Variants in MBOAT1 observed in about 807,000 individuals in gnomAD.
The protein encoded by MBOAT1 is membrane-bound glycerophospholipid O-acyltransferase 1.
In MBOAT1, 67 loss-of-function variants were observed where a neutral mutation model predicts 64.4. The ratio of observed to expected loss-of-function variants is 1.04; its 90% confidence interval spans 0.85 to 1.27. The LOEUF (loss-of-function observed/expected upper bound fraction) is 1.27, where lower values mean the gene tolerates loss of function less well. MBOAT1 is among the 50% of genes most tolerant of loss of function. MBOAT1 has a pLI of 0.00. For synonymous variants in MBOAT1, 229 were observed against 218.9 expected, an observed-to-expected ratio of 1.05 and a Z score of -0.41; for missense variants, 563 against 604.6, an observed-to-expected ratio of 0.93 and a Z score of 0.72.
intron 3 of MBOAT1, among the ~76,000 whole-genome samples, chr6:20,148,062 G>A (rs1391371622): frequency 6.6e-6 from 1 of 152,152 alleles, no homozygotes; most frequent in Non-Finnish European, 1.5e-5. Flanking sequence ...ACAGTGGCTT[G>A]GGAAGGAAAC....
intron 1 of MBOAT1, among the ~76,000 whole-genome samples, chr6:20,159,387 A>T (rs1761782782): frequency 6.6e-6 from 1 of 152,194 alleles, no homozygotes; most frequent in Admixed American, 6.5e-5. Context: ...CCTAAGTGCC[A>T]TCAAGGGATG....
intron 11 of MBOAT1, 49 bp downstream of exon 11, chr6:20,112,827 A>G: frequency 1.3e-6 from 2 of 1,580,510 alleles, no homozygotes; most frequent in African/African-American, 1.3e-5. Context: ...ACAAACATGC[A>G]GGCATCAGAT....
At chr6:20,179,922 C>CTT (rs35155282) in intron 1 of MBOAT1, among the ~76,000 whole-genome samples, 2 of 151,726 alleles carry the variant, frequency 1.3e-5, no homozygotes, top group African/African-American at 4.8e-5. Context: ...TGATGTTGAG[C>CTT]TTTTTTTCAT....
At chr6:20,127,364 C>T (rs1024959000) in intron 6 of MBOAT1, among the ~76,000 whole-genome samples, 3 of 152,148 alleles carry the variant, frequency 2.0e-5, no homozygotes, top group Non-Finnish European at 4.4e-5. Flanking sequence ...AACCAGTCGC[C>T]GGAATTATCC....
At chr6:20,122,101 G>T (rs746152247) in intron 8 of MBOAT1, among the ~76,000 whole-genome samples, 3 of 152,098 alleles carry the variant, frequency 2.0e-5, no homozygotes, top group Non-Finnish European at 4.4e-5. Context: ...GGAGGTGGAG[G>T]TTGCAGTGAG....
At chr6:20,154,451 T>C (rs1761617652) in intron 1 of MBOAT1, among the ~76,000 whole-genome samples, 1 of 152,056 alleles carries the variant, frequency 6.6e-6, no homozygotes, top group Non-Finnish European at 1.5e-5. Context: ...GAGAATCGCT[T>C]GAACTCGGGA....
intron 7 of MBOAT1, 33 bp from the exon 8 acceptor site, chr6:20,124,633 A>G (rs763137320): frequency 1.8e-5 from 29 of 1,605,682 alleles, no homozygotes; most frequent in Non-Finnish European, 2.4e-5. Context: ...GTCACCGTGC[A>G]GAAGGCTCAG....
At position 20,113,012 on chromosome 6, in the gene MBOAT1, T is replaced by C; in HGVS notation, c.1077-4A>G. The stretch of plus-strand genomic sequence containing the variant: ...TGGAACCCGCTGATAGCACACACTG[T>C]GAAGAGAGGAAGGAACAAGACACAG... On this transcript the variant is annotated splice_region_variant and splice_polypyrimidine_tract_variant and intron_variant, in intron 10 of 12. Coordinates refer to ENST00000324607, the MANE Select transcript of MBOAT1 (RefSeq NM_001080480.3). 3.1e-6 allele frequency: 5 copies of C among 1,611,602 alleles called. No individual in the cohort carries two copies. Among genetic ancestry groups the C allele is most frequent in the Non-Finnish European group, 4.2e-6 (5 of 1,179,166 alleles).
chr6:20,170,130 C>G (rs139668197), intron 1 of MBOAT1, among the ~76,000 whole-genome samples: 231 of 152,284 alleles, frequency 1.5e-3, no homozygotes, highest in African/African-American at 4.2e-3. Flanking sequence ...GTTATCCCCC[C>G]CTGCAATGAT....
intron 12 of MBOAT1, among the ~76,000 whole-genome samples, chr6:20,103,927 C>T (rs1759877543): frequency 6.6e-6 from 1 of 152,230 alleles, no homozygotes; most frequent in Admixed American, 6.5e-5. Flanking sequence ...TAGGCCTTCA[C>T]ATTCACTCAC....
chr6:20,205,397 G>A (rs1218207861), intron 1 of MBOAT1, among the ~76,000 whole-genome samples: 1 of 152,170 alleles, frequency 6.6e-6, no homozygotes, highest in Non-Finnish European at 1.5e-5. Flanking sequence ...AGGCCAAGCT[G>A]TGAAGAATCA....
At chr6:20,193,604 CTTTTTTTTT>C in intron 1 of MBOAT1, among the ~76,000 whole-genome samples, 1 of 129,734 alleles carries the variant, frequency 7.7e-6, no homozygotes, top group South Asian at 2.5e-4. Context: ...ACCAAAAATC[CTTTTTTTTT>C]TTTTTTTTTT....
At chr6:20,131,062 T>C (rs1446145510) in intron 5 of MBOAT1, 82 bp downstream of exon 5, 1 of 1,239,848 alleles carries the variant, frequency 8.1e-7, no homozygotes, top group Admixed American at 1.8e-5. Context: ...GTCTAAACTT[T>C]GGACTGTGTA....
intron 6 of MBOAT1, among the ~76,000 whole-genome samples, 190 bp downstream of exon 6, chr6:20,128,509 T>A (rs1760724723): frequency 6.6e-6 from 1 of 152,234 alleles, no homozygotes; most frequent in Admixed American, 6.5e-5. Flanking sequence ...AGTACAAGGT[T>A]ATTCATCACT....
At chr6:20,184,133 C>G (rs943572) in intron 1 of MBOAT1, among the ~76,000 whole-genome samples, 1 of 151,902 alleles carries the variant, frequency 6.6e-6, no homozygotes, top group African/African-American at 2.4e-5. Context: ...TTAAATTTAA[C>G]AGTATTTTAG....
At chr6:20,146,064 G>C (rs1761316951) in intron 3 of MBOAT1, among the ~76,000 whole-genome samples, 1 of 152,156 alleles carries the variant, frequency 6.6e-6, no homozygotes, top group South Asian at 2.1e-4. Context: ...ACATGGGAGG[G>C]GTTCAGTTAC....
intron 4 of MBOAT1, among the ~76,000 whole-genome samples, chr6:20,141,939 T>C (rs1761190255): frequency 6.6e-6 from 1 of 152,194 alleles, no homozygotes; most frequent in South Asian, 2.1e-4. Flanking sequence ...TGCATTTCTG[T>C]GCTCTTGCAA....
At chr6:20,113,143 G>A (rs765105890) in intron 10 of MBOAT1, 135 bp from the exon 11 acceptor site, 59 of 1,080,688 alleles carry the variant, frequency 5.5e-5, no homozygotes, top group Admixed American at 2.4e-4. Context: ...CCGTCTTCGG[G>A]GACTTGCAGT....
intron 1 of MBOAT1, among the ~76,000 whole-genome samples, chr6:20,189,941 G>A (rs1762758214): frequency 6.6e-6 from 1 of 151,182 alleles, no homozygotes; most frequent in Non-Finnish European, 1.5e-5. Context: ...TGGACACTAA[G>A]GTTGATTCTA....
Sources: gnomAD v4.1 joint callset for allele counts (sites outside exome capture counted in the v4.1 genomes callset) on GRCh38, gnomAD v4.1.1 for gene constraint, MANE v1.5 for transcripts, NCBI Gene and HGNC (gene_info 2026-07-23, HGNC 2026-07-21) for gene names.